NSMCE2: variants seen among roughly 807,000 people sequenced by gnomAD.
NSMCE2 encodes the protein E3 SUMO-protein ligase NSE2.
NSMCE2 carries 24 observed loss-of-function variants against 23.8 expected under a neutral mutation model. The ratio of observed to expected loss-of-function variants is 1.01; its 90% CI spans 0.73 to 1.42. The LOEUF is 1.42. Ranked by LOEUF, NSMCE2 falls within the 40% of genes most tolerant of loss-of-function variation. NSMCE2 has a pLI of 0.00. For missense variants in NSMCE2, 284 were observed against 296.5 expected (o/e 0.96, Z 0.31); for synonymous variants, 92 against 94.1 (o/e 0.98, Z 0.13).
At chr8:125,254,797 G>A (rs1012343139) in intron 5 of NSMCE2, among the ~76,000 whole-genome samples, 1 of 152,092 alleles carries the variant, frequency 6.6e-6, no homozygotes, top group Admixed American at 6.6e-5. Flanking sequence ...AAGCAGTTTG[G>A]TCCGGGAATG....
At chr8:125,297,487 C>T (rs1828375643) in intron 5 of NSMCE2, among the ~76,000 whole-genome samples, 1 of 152,120 alleles carries the variant, frequency 6.6e-6, no homozygotes, top group Non-Finnish European at 1.5e-5. Flanking sequence ...TTCTTTAAGG[C>T]CTGCTTCTCC....
chr8:125,116,052 A>C (rs117640147), intron 3 of NSMCE2, among the ~76,000 whole-genome samples: 1 of 152,166 alleles, frequency 6.6e-6, no homozygotes, highest in Non-Finnish European at 1.5e-5. Flanking sequence ...CTCCAGCCCC[A>C]TGACCTCGAT....
chr8:125,288,288 C>T (rs557242096), intron 5 of NSMCE2, among the ~76,000 whole-genome samples: 46 of 152,298 alleles, frequency 3.0e-4, no homozygotes, highest in African/African-American at 9.9e-4. Context: ...ACTGCTGGGA[C>T]GTAACAGGAG....
At chr8:125,215,591 G>C (rs1824545748) in intron 5 of NSMCE2, among the ~76,000 whole-genome samples, 1 of 152,158 alleles carries the variant, frequency 6.6e-6, no homozygotes. Context: ...GGTATTTCTA[G>C]TTCTAGATCC....
intron 5 of NSMCE2, among the ~76,000 whole-genome samples, chr8:125,252,107 G>A (rs1364525038): frequency 6.6e-6 from 1 of 152,182 alleles, no homozygotes; most frequent in South Asian, 2.1e-4. Flanking sequence ...GCCCAGGAGA[G>A]TATAGTCAGC....
intron 4 of NSMCE2, among the ~76,000 whole-genome samples, chr8:125,174,179 G>A (rs1354202111): frequency 6.6e-6 from 1 of 151,972 alleles, no homozygotes; most frequent in Admixed American, 6.5e-5. Context: ...GCAATAATCT[G>A]CTTGATTATT....
intron 5 of NSMCE2, among the ~76,000 whole-genome samples, chr8:125,308,909 A>G (rs1272336602): frequency 1.3e-5 from 2 of 152,144 alleles, no homozygotes; most frequent in East Asian, 3.9e-4. Flanking sequence ...GGACAATTTG[A>G]GCTTGATAAC....
At chr8:125,237,484 TA>T (rs984936949) in intron 5 of NSMCE2, among the ~76,000 whole-genome samples, 1 of 152,224 alleles carries the variant, frequency 6.6e-6, no homozygotes, top group Non-Finnish European at 1.5e-5. Context: ...GGCAGATGTC[TA>T]ACCCCTGTGG....
chr8:125,233,972 C>T lies in NSMCE2; in HGVS notation c.418+51716C>T, dbSNP rs982139431. 4.2e-5 allele frequency among the ~76,000 whole-genome samples: 6 copies of T among 143,516 alleles called. No individual in the cohort carries two copies. The South Asian group carries it at 6.5e-4, about 16-fold the overall frequency. The allele number at this position is 143,516 out of a possible 152,430, so 94.2% of individuals were successfully genotyped here. ...CAGGCGGATCATGAAGTCAGGAGAT[C>T]GAGACCATCCTGGCTAACATGGTGA... On this transcript the variant is annotated intron_variant, in intron 5 of 7. Transcript: ENST00000287437.
intron 5 of NSMCE2, among the ~76,000 whole-genome samples, chr8:125,220,364 TA>T (rs1015051783): frequency 1.5e-4 from 22 of 151,594 alleles, no homozygotes; most frequent in African/African-American, 4.4e-4. Flanking sequence ...GGAACATGAT[TA>T]AAAAAAAATT....
intron 5 of NSMCE2, among the ~76,000 whole-genome samples, chr8:125,226,092 C>T (rs1825078599): frequency 6.6e-6 from 1 of 152,166 alleles, no homozygotes; most frequent in African/African-American, 2.4e-5. Flanking sequence ...ATACAATTTT[C>T]TTCACAAAAA....
At chr8:125,279,306 G>A (rs2131119788) in intron 5 of NSMCE2, among the ~76,000 whole-genome samples, 1 of 152,278 alleles carries the variant, frequency 6.6e-6, no homozygotes, top group African/African-American at 2.4e-5. Context: ...GCAAATGGTT[G>A]ATTGAGATAG....
rs565593006 is a variant in NSMCE2, at chr8:125,170,376, C to CTTTTTTTTT, written c.265-11696_265-11688dup. The stretch of plus-strand genomic sequence containing the variant: ...CATCAATAAACCTTACTCTTTATTT[C>CTTTTTTTTT]TTTTTTTTTTTTTTTTTTTTTTTTT... On this transcript the variant is annotated intron_variant, in intron 4 of 7. Transcript: ENST00000287437. Among the ~76,000 whole-genome samples, 88 of 37,862 alleles carry CTTTTTTTTT rather than the reference C, an allele frequency of 2.3e-3. 22 individuals are homozygous for CTTTTTTTTT. Among genetic ancestry groups the CTTTTTTTTT allele is most frequent in the East Asian group, 6.9e-3 (5 of 726 alleles). 24.8% of individuals were successfully genotyped at this position (37,862 alleles called of 152,430 possible). A position where few individuals can be genotyped will look rare whatever the true frequency, so the allele number is the denominator to read the frequency against.
intron 3 of NSMCE2, among the ~76,000 whole-genome samples, chr8:125,147,313 T>A (rs1446762711): frequency 6.6e-6 from 1 of 152,218 alleles, no homozygotes; most frequent in East Asian, 1.9e-4. Flanking sequence ...TTAGTGAAAG[T>A]TTAATTTTCA....
At chr8:125,102,224 T>C (rs1818228048) in intron 2 of NSMCE2, 78 bp downstream of exon 2, 3 of 841,438 alleles carry the variant, frequency 3.6e-6, no homozygotes, top group Non-Finnish European at 5.9e-6. Flanking sequence ...TTGGATACAT[T>C]TGTATGAATG....
At chr8:125,309,137 C>G (rs918078381) in intron 5 of NSMCE2, among the ~76,000 whole-genome samples, 1 of 151,506 alleles carries the variant, frequency 6.6e-6, no homozygotes, top group Non-Finnish European at 1.5e-5. Flanking sequence ...ATACCACCTA[C>G]TCAGGAGGCT....
At chr8:125,123,354 C>T (rs776448032) in intron 3 of NSMCE2, among the ~76,000 whole-genome samples, 16 of 152,148 alleles carry the variant, frequency 1.1e-4, no homozygotes, top group Non-Finnish European at 2.2e-4. Context: ...CTAAGTTCCA[C>T]AATATTTACT....
intron 1 of NSMCE2, among the ~76,000 whole-genome samples, chr8:125,096,337 T>C (rs1257785785): frequency 6.6e-6 from 1 of 152,230 alleles, no homozygotes; most frequent in Non-Finnish European, 1.5e-5. Flanking sequence ...ACCTGTCCAG[T>C]ATCTGTCACA....
intron 4 of NSMCE2, among the ~76,000 whole-genome samples, chr8:125,166,869 A>G (rs77361441): frequency 0.031 from 4,743 of 152,278 alleles, 245 homozygotes; most frequent in African/African-American, 0.11. Flanking sequence ...CTCAGGATAG[A>G]TAACTCAAAG....
Sources: gnomAD v4.1 joint callset for allele counts (sites outside exome capture counted in the v4.1 genomes callset) on GRCh38, gnomAD v4.1.1 for gene constraint, MANE v1.5 for transcripts, NCBI Gene and HGNC (gene_info 2026-07-23, HGNC 2026-07-21) for gene names.